Variants in ZMYM4 observed in about 807,000 individuals in gnomAD.
The protein encoded by ZMYM4 is zinc finger MYM-type protein 4.
Under a neutral mutation model 183.2 loss-of-function variants are expected in ZMYM4, and 31 were observed. That is an observed-to-expected ratio of 0.17 (90% CI 0.13 to 0.23). The LOEUF (loss-of-function observed/expected upper bound fraction) is 0.23, where lower values mean the gene tolerates loss of function less well. Among genes scored for constraint, ZMYM4 ranks in the 10% least tolerant of loss-of-function variants. ZMYM4 has a pLI of 1.00. For synonymous variants in ZMYM4, 592 were observed against 631.2 expected (o/e 0.94, Z 0.93); for missense variants, 1,273 against 1,840.3 (o/e 0.69, Z 5.64).
At chr1:35,390,201 G>A in intron 15 of ZMYM4, 103 bp downstream of exon 15, 1 of 1,271,522 alleles carries the variant, frequency 7.9e-7, no homozygotes, top group Non-Finnish European at 1.1e-6. Flanking sequence ...TTAATTTCAT[G>A]AAACCTCAGT....
In ZMYM4 at chr1:35,389,218, A is replaced by AATATAAGAT; in HGVS notation, c.2436+137_2436+145dup. The AATATAAGAT allele has an allele frequency of 1.2e-6, 1 of 851,000 alleles. No homozygotes were observed. The highest frequency in any genetic ancestry group is 1.7e-6 in the Non-Finnish European group (1 of 586,844). 52.7% of individuals were successfully genotyped at this position (851,000 alleles called of 1,614,324 possible). A position where few individuals can be genotyped will look rare whatever the true frequency, so the allele number is the denominator to read the frequency against. ...AAATGTTTTATGCCTTCTAGCAATT[A>AATATAAGAT]ATATAAGATTTAGAAAGACTTTAAT... On this transcript the variant is annotated intron_variant, in intron 14 of 29. Transcript: ENST00000314607. This position sits in a 1 kb window ranked among gnomAD's most constrained non-coding sequence, Gnocchi z 4.0.
intron 2 of ZMYM4, among the ~76,000 whole-genome samples, chr1:35,354,660 G>C (rs1643748541): frequency 6.9e-6 from 1 of 145,238 alleles, no homozygotes; most frequent in Admixed American, 7.0e-5. Context: ...CTGGGAGGCA[G>C]AGGTTGCAGT....
At chr1:35,276,764 G>A (rs1438971244) in intron 1 of ZMYM4, among the ~76,000 whole-genome samples, 1 of 151,978 alleles carries the variant, frequency 6.6e-6, no homozygotes, top group African/African-American at 2.4e-5. Flanking sequence ...TGCACCACCA[G>A]CCTTGGCTTA....
chr1:35,351,897 T>C (rs1187272454), intron 2 of ZMYM4, among the ~76,000 whole-genome samples: 1 of 152,228 alleles, frequency 6.6e-6, no homozygotes, highest in Non-Finnish European at 1.5e-5. Context: ...AAATTTGCTT[T>C]CATTATAAAA....
intron 23 of ZMYM4, among the ~76,000 whole-genome samples, chr1:35,403,914 C>T (rs911822089): frequency 6.6e-6 from 1 of 152,082 alleles, no homozygotes; most frequent in Non-Finnish European, 1.5e-5. Flanking sequence ...ATTAATCTTT[C>T]AAGAAGTTTG....
At chr1:35,380,486 C>T (rs2148962942) in intron 7 of ZMYM4, among the ~76,000 whole-genome samples, 1 of 152,230 alleles carries the variant, frequency 6.6e-6, no homozygotes, top group East Asian at 1.9e-4. Context: ...TGCCGCCACG[C>T]CTGGCTAATT....
intron 5 of ZMYM4, among the ~76,000 whole-genome samples, chr1:35,368,032 C>A (rs1644128726): frequency 6.6e-6 from 1 of 151,124 alleles, no homozygotes. Context: ...CAGGGGTTGG[C>A]AAATTATCAG....
rs754143251 is a variant in ZMYM4 at position 35,392,701 on chromosome 1, T to G, written c.2766+17T>G. The G allele has an allele frequency of 6.3e-7, 1 of 1,584,668 alleles. No individual in the cohort carries two copies. The highest frequency in any genetic ancestry group is 1.9e-5 in the Admixed American group (1 of 53,668). On this transcript the variant is annotated intron_variant, in intron 17 of 29. Coordinates refer to ENST00000314607, the MANE Select transcript of ZMYM4 (RefSeq NM_005095.3). ...ATCGGTGATGTAAGTTTTATTACTT[T>G]TATTGGTATTGTCACTGTATTTATT...
intron 1 of ZMYM4, among the ~76,000 whole-genome samples, chr1:35,303,386 C>T (rs751445985): frequency 4.0e-5 from 6 of 151,250 alleles, no homozygotes; most frequent in Non-Finnish European, 8.8e-5. Context: ...CTCTTTCATT[C>T]CTGATATTGG....
In ZMYM4 at chr1:35,387,146, C is replaced by T; in HGVS notation, c.1980C>T (p.Ser660=). The T allele has an allele frequency of 6.2e-7, 1 of 1,614,256 alleles. No individual in the cohort carries two copies. Among genetic ancestry groups the T allele is most frequent in the Non-Finnish European group, 8.5e-7 (1 of 1,180,042 alleles). Residue 660 remains serine, a synonymous_variant, in exon 12 of 30, where the codon AGC becomes AGT. Transcript: ENST00000314607. ...CTGTTTCTCCCACCTCCATCAGTAG[C>T]TCTGCTGCAGCTGGTCTCCAGCGTC... ...TSAVSPTSIS[S]SAAAGLQRLA...
At chr1:35,370,258 T>C in intron 6 of ZMYM4, 114 bp from the exon 7 acceptor site, 1 of 1,448,652 alleles carries the variant, frequency 6.9e-7, no homozygotes, top group Non-Finnish European at 9.1e-7. Flanking sequence ...TACTGTTGGG[T>C]TTCAAGACTA....
Position 35,392,289 on chromosome 1 carries a change from G to A in ZMYM4, c.2665G>A (p.Val889Ile), listed in dbSNP as rs775569360. The A allele has an allele frequency of 2.5e-5, 41 of 1,614,104 alleles. No homozygotes were observed. Among genetic ancestry groups the A allele is most frequent in the Non-Finnish European group, 3.2e-5 (38 of 1,180,048 alleles). Residue 889 changes from valine (V) to isoleucine (I), a missense_variant, in exon 16 of 30, where the codon GTA becomes ATA. This residue lies in a region of ZMYM4 where 290 missense variants were observed against 353.3 expected (regional missense o/e 0.82). Coordinates refer to ENST00000314607, the MANE Select transcript of ZMYM4 (RefSeq NM_005095.3). ...RKDSTPVIANVVSLASAPAAQ... is the reference protein window; with the variant it reads ...RKDSTPVIANIVSLASAPAAQ... The stretch of plus-strand genomic sequence containing the variant: ...AGATTCGACTCCAGTTATAGCCAAT[G>A]TAGTATCATTGGCAAGTGCCCCTGC...
chr1:35,385,571 G>A lies in ZMYM4; in HGVS notation c.1699G>A (p.Val567Ile). 6.2e-7 allele frequency: 1 copy of A among 1,603,446 alleles called. No homozygotes were observed. The highest frequency in any genetic ancestry group is 8.5e-7 in the Non-Finnish European group (1 of 1,177,304). Residue 567 changes from valine (V) to isoleucine (I), a missense_variant, in exon 10 of 30, where the codon GTT becomes ATT. Physicochemically the swap from Val to Ile is conservative, Grantham distance 29 (BLOSUM62 3). Coordinates refer to ENST00000314607, the MANE Select transcript of ZMYM4 (RefSeq NM_005095.3). ...TGTTAATTGCTTATCTGCTTACAGAGTTAAAATGGTTACTTCTGCAGGTAA... is the reference window on the plus strand; with the variant it reads ...TGTTAATTGCTTATCTGCTTACAGAATTAAAATGGTTACTTCTGCAGGTAA... ...CSVNCLSAYR[V>I]KMVTSAGVQV...
intron 13 of ZMYM4, 86 bp from the exon 14 acceptor site, chr1:35,388,824 C>G (rs1644638619): frequency 7.8e-7 from 1 of 1,285,636 alleles, no homozygotes; most frequent in African/African-American, 1.5e-5. Context: ...GTGTGAGCCA[C>G]TGCACCGGGC....
At chr1:35,412,338 G>T (rs1639947815) in intron 26 of ZMYM4, among the ~76,000 whole-genome samples, 1 of 152,020 alleles carries the variant, frequency 6.6e-6, no homozygotes, top group Non-Finnish European at 1.5e-5. Context: ...ATAGGATTCT[G>T]TCACCTGCAA....
At chr1:35,377,307 A>G (rs946300940) in intron 7 of ZMYM4, among the ~76,000 whole-genome samples, 50 of 152,248 alleles carry the variant, frequency 3.3e-4, no homozygotes, top group Non-Finnish European at 2.1e-4. Flanking sequence ...TATGAAATAC[A>G]TTAAAACCTA....
chr1:35,306,522 C>T (rs542861560), intron 1 of ZMYM4, among the ~76,000 whole-genome samples: 1 of 152,030 alleles, frequency 6.6e-6, no homozygotes, highest in Non-Finnish European at 1.5e-5. Flanking sequence ...TTTAAAATAT[C>T]CATTAGTTTT....
chr1:35,346,968 G>A (rs1479838793), intron 2 of ZMYM4, among the ~76,000 whole-genome samples: 2 of 152,040 alleles, frequency 1.3e-5, no homozygotes, highest in Non-Finnish European at 2.9e-5. Context: ...CCAGAAATAG[G>A]CCCTGGATAA....
chr1:35,418,296 GCACT>G, intron 28 of ZMYM4, 143 bp from the exon 29 acceptor site: 1 of 770,748 alleles, frequency 1.3e-6, no homozygotes, highest in Non-Finnish European at 2.0e-6. Context: ...ACCTTCATAG[GCACT>G]CAGTATTTGT....
Sources: allele counts gnomAD v4.1 joint callset (sites outside exome capture counted in the v4.1 genomes callset), GRCh38; gene constraint gnomAD v4.1.1; regional missense constraint gnomAD v4.1.1; non-coding constraint Gnocchi (gnomAD v3.1); transcripts MANE v1.5; gene names NCBI Gene and HGNC (gene_info 2026-07-23, HGNC 2026-07-21).